The following KDM6A variants were observed in gnomAD, a reference collection of about 807,000 sequenced individuals.
KDM6A encodes lysine-specific demethylase 6A.
Under a neutral mutation model 117.6 loss-of-function variants are expected in KDM6A, and 11 were observed. That is an observed-to-expected ratio of 0.09 (90% CI 0.06 to 0.15). The LOEUF is 0.15. Among genes scored for constraint, KDM6A ranks in the 10% least tolerant of loss-of-function variants. KDM6A has a pLI of 1.00. For synonymous variants in KDM6A, 384 were observed against 396.1 expected (o/e 0.97, Z 0.36); for missense variants, 799 against 1,077.3 (o/e 0.74, Z 3.62).
rs1304818949 is a variant in KDM6A at position 44,950,078 on chromosome X, G to T, written c.226-11206G>T. On this transcript the variant is annotated intron_variant, in intron 2 of 29. Coordinates refer to ENST00000611820, the MANE Select transcript of KDM6A (RefSeq NM_001291415.2). The stretch of plus-strand genomic sequence containing the variant: ...GTCACCTAGGCTGGAATGCAGTGGC[G>T]CGATCTCTGCTCACTGCAAGCTCCG... 3.7e-5 allele frequency among the ~76,000 whole-genome samples: 4 copies of T among 109,066 alleles called. No homozygotes were observed. The South Asian group carries it at 1.6e-3, about 43-fold the overall frequency. 94.7% of individuals were successfully genotyped at this position (109,066 alleles called of 115,157 possible).
In KDM6A at chrX:44,984,118, T is replaced by C. The variant is rs1288692928; in HGVS notation, c.384+9403T>C. Reference sequence around the variant, plus strand: ...GATTGCCATTCTAACTGGTGTGAGATGGTATCTCATTGTGGTTTTGATTTG... The same window carrying C: ...GATTGCCATTCTAACTGGTGTGAGACGGTATCTCATTGTGGTTTTGATTTG... On this transcript the variant is annotated intron_variant, in intron 4 of 29. Transcript: ENST00000611820. Among the ~76,000 whole-genome samples, 4 of 110,075 alleles carry C rather than the reference T, an allele frequency of 3.6e-5. No individual in the cohort carries two copies. The Admixed American group carries it at 3.8e-4, about 11-fold the overall frequency.
chrX:45,005,695 T>C (rs182525301), intron 4 of KDM6A, among the ~76,000 whole-genome samples: 11 of 110,890 alleles, frequency 9.9e-5, no homozygotes, highest in Admixed American at 5.7e-4. Flanking sequence ...GGGGGATATC[T>C]TTGTTACCAT....
intron 6 of KDM6A, among the ~76,000 whole-genome samples, chrX:45,028,215 A>T (rs1319284908): frequency 8.9e-6 from 1 of 112,218 alleles, no homozygotes; most frequent in Non-Finnish European, 1.9e-5. Flanking sequence ...ATCATTTTTC[A>T]TTGCTACCAT....
At chrX:44,975,840 G>A (rs1253949609) in intron 4 of KDM6A, among the ~76,000 whole-genome samples, 1 of 111,557 alleles carries the variant, frequency 9.0e-6, no homozygotes, top group African/African-American at 3.3e-5. Flanking sequence ...CTGCACAGGG[G>A]GCTTGCCTGG....
chrX:44,900,049 T>C (rs1007474049), intron 2 of KDM6A, among the ~76,000 whole-genome samples: 2 of 112,303 alleles, frequency 1.8e-5, no homozygotes, highest in Non-Finnish European at 3.8e-5. Flanking sequence ...AGGAAGTAGA[T>C]ATTTACATGC....
intron 4 of KDM6A, among the ~76,000 whole-genome samples, chrX:45,005,584 C>T (rs1049943589): frequency 1.8e-5 from 2 of 111,241 alleles, no homozygotes; most frequent in Admixed American, 1.9e-4. Flanking sequence ...GTCTTTGAGT[C>T]TAAATTAAAC....
At chrX:44,929,243 CTT>C (rs72030337) in intron 2 of KDM6A, among the ~76,000 whole-genome samples, 840 of 82,836 alleles carry the variant, frequency 0.01, 16 homozygotes, top group African/African-American at 0.036. Flanking sequence ...GTCTAAGGGA[CTT>C]TTTTTTTTTT....
At chrX:45,019,092 T>C (rs543606074) in intron 5 of KDM6A, among the ~76,000 whole-genome samples, 3 of 111,385 alleles carry the variant, frequency 2.7e-5, no homozygotes, top group Admixed American at 1.9e-4. Flanking sequence ...GTTGTCCTCG[T>C]CCTAACCCTT....
intron 21 of KDM6A, 150 bp downstream of exon 21, chrX:45,079,501 ATATGTATGTATGTATGTATGTATG>A: frequency 1.9e-5 from 8 of 428,834 alleles, no homozygotes; most frequent in Non-Finnish European, 3.3e-5. Flanking sequence ...TCGTATGTAT[ATATGTATGTATGTATGTATGTATG>A]TATGTATGTA....
intron 21 of KDM6A, among the ~76,000 whole-genome samples, chrX:45,080,440 A>T (rs925721821): frequency 8.9e-6 from 1 of 112,216 alleles, no homozygotes; most frequent in Non-Finnish European, 1.9e-5. Flanking sequence ...AACATAATAC[A>T]TCCAAACAAA....
chrX:44,878,664 C>T (rs147964578), intron 2 of KDM6A, among the ~76,000 whole-genome samples: 4,265 of 110,730 alleles, frequency 0.039, 223 homozygotes, highest in African/African-American at 0.13. Flanking sequence ...TTCTTTCTGT[C>T]GAATCAATTA....
chrX:45,103,969 A>G (rs189555579), intron 27 of KDM6A, among the ~76,000 whole-genome samples: 135 of 110,719 alleles, frequency 1.2e-3, no homozygotes, highest in African/African-American at 4.2e-3. Flanking sequence ...TCCATCTTCT[A>G]TGTGTTTACA....
intron 6 of KDM6A, among the ~76,000 whole-genome samples, chrX:45,033,105 TTCTA>T (rs2042668372): frequency 8.9e-6 from 1 of 112,287 alleles, no homozygotes; most frequent in African/African-American, 3.2e-5. Context: ...GTCTGTGTTC[TTCTA>T]TCTAAATATT....
intron 2 of KDM6A, among the ~76,000 whole-genome samples, chrX:44,932,918 G>A (rs755243980): frequency 1.9e-5 from 2 of 103,595 alleles, no homozygotes; most frequent in African/African-American, 7.2e-5. Context: ...ATGGAGTTTC[G>A]CTCTTGTTGC....
At chrX:45,001,474 G>A (rs1455723253) in intron 4 of KDM6A, among the ~76,000 whole-genome samples, 5 of 111,223 alleles carry the variant, frequency 4.5e-5, no homozygotes, top group Admixed American at 9.6e-5. Flanking sequence ...GGTCTTTATC[G>A]AAATCTTTCT....
chrX:45,099,049 C>G (rs2046226420), intron 27 of KDM6A, among the ~76,000 whole-genome samples: 1 of 111,273 alleles, frequency 9.0e-6, no homozygotes, highest in African/African-American at 3.3e-5. Context: ...AAGTTTTTGC[C>G]ACATTTATTT....
intron 2 of KDM6A, among the ~76,000 whole-genome samples, chrX:44,886,681 G>A (rs1336582191): frequency 9.3e-6 from 1 of 107,937 alleles, no homozygotes; most frequent in Non-Finnish European, 1.9e-5. Context: ...AGTAGAGACA[G>A]GGTTTCACCA....
intron 24 of KDM6A, among the ~76,000 whole-genome samples, chrX:45,084,500 T>C (rs1408577835): frequency 3.6e-5 from 4 of 112,140 alleles, no homozygotes; most frequent in Non-Finnish European, 7.5e-5. Context: ...TGCTTCCTTC[T>C]TTGTTCACAT....
At chrX:44,914,369 T>C (rs1283063844) in intron 2 of KDM6A, among the ~76,000 whole-genome samples, 1 of 111,906 alleles carries the variant, frequency 8.9e-6, no homozygotes, top group Non-Finnish European at 1.9e-5. Flanking sequence ...TGAGTAAATG[T>C]TGTTAATAAT....
Sources: gnomAD v4.1 joint callset for allele counts (sites outside exome capture counted in the v4.1 genomes callset) on GRCh38, gnomAD v4.1.1 for gene constraint, MANE v1.5 for transcripts, NCBI Gene and HGNC (gene_info 2026-07-23, HGNC 2026-07-21) for gene names.